METTL2B: variants seen among roughly 807,000 people sequenced by gnomAD.
METTL2B encodes the protein methyltransferase 2B, tRNA N3-cytidine, also known as tRNA N(3)-cytidine methyltransferase METTL2B.
In METTL2B, 28 loss-of-function variants were observed where a neutral mutation model predicts 51.0. The ratio of observed to expected loss-of-function variants is 0.55; its 90% CI spans 0.41 to 0.75. METTL2B has a LOEUF of 0.75. Ranked by LOEUF, METTL2B falls within the 30% of genes least tolerant of loss-of-function variation. The pLI, the probability that METTL2B is intolerant of heterozygous loss-of-function variation, is 0.00. For missense variants in METTL2B, 313 were observed against 460.7 expected (o/e 0.68, Z 2.93); for synonymous variants, 128 against 166.3 (o/e 0.77, Z 1.77).
rs1184865120 is a variant in METTL2B, at chr7:128,506,370, T to A, written c.*4454T>A. 6.6e-6 allele frequency: 1 copy of A among 152,206 alleles called. No individual in the cohort carries two copies. The highest frequency in any genetic ancestry group is 1.5e-5 in the Non-Finnish European group (1 of 68,034). The allele number at this position is 152,206 out of a possible 1,614,324, so 9.4% of individuals were successfully genotyped here. A position where few individuals can be genotyped will look rare whatever the true frequency, so the allele number is the denominator to read the frequency against. On this transcript the variant is annotated 3_prime_UTR_variant, in exon 9 of 9. Transcript: ENST00000262432. Reference sequence around the variant, plus strand: ...TCTTTCTGGCACCTGGTTTGGGCTTTGGCTTAGATTAAAAAGACGAGCCTT... The same window carrying A: ...TCTTTCTGGCACCTGGTTTGGGCTTAGGCTTAGATTAAAAAGACGAGCCTT...
rs1355952151 is a variant in METTL2B, at chr7:128,502,400, T to A, written c.*484T>A. The stretch of plus-strand genomic sequence containing the variant: ...TATGACAAGTGTTTTTTGATTGTAA[T>A]TGCGTTAAATCTTTTGAGAGTGTAA... On this transcript the variant is annotated 3_prime_UTR_variant, in exon 9 of 9. Coordinates refer to ENST00000262432, the MANE Select transcript of METTL2B (RefSeq NM_018396.3). The A allele has an allele frequency of 3.4e-6, 1 of 294,112 alleles. No homozygotes were observed. The highest frequency in any genetic ancestry group is 6.7e-6 in the Non-Finnish European group (1 of 149,586). The allele number at this position is 294,112 out of a possible 1,614,324, so 18.2% of individuals were successfully genotyped here.
At chr7:128,499,037 T>C (rs1792978576) in intron 7 of METTL2B, among the ~76,000 whole-genome samples, 2 of 152,044 alleles carry the variant, frequency 1.3e-5, no homozygotes, top group Non-Finnish European at 2.9e-5. Context: ...ATAAATAATT[T>C]TAAATGTGGC....
rs17837494 is a variant in METTL2B at position 128,498,004 on chromosome 7, C to G, written c.810-32C>G. The G allele has an allele frequency of 2.0e-3, 3,183 of 1,609,316 alleles. 56 individuals carry two copies. In the African/African-American group the frequency reaches 0.038, roughly 19 times the overall value. ...AAGAGAACCCTGTCTTTAAGGAGACCTGATTAACTATAATTCCCTGTGTCT... is the reference window on the plus strand; with the variant it reads ...AAGAGAACCCTGTCTTTAAGGAGACGTGATTAACTATAATTCCCTGTGTCT... On this transcript the variant is annotated intron_variant, in intron 6 of 8. Coordinates refer to ENST00000262432, the MANE Select transcript of METTL2B (RefSeq NM_018396.3).
intron 8 of METTL2B, chr7:128,501,422 T>G: frequency 4.1e-6 from 4 of 985,460 alleles, no homozygotes; most frequent in Non-Finnish European, 4.8e-6. Flanking sequence ...TAGGGTCACC[T>G]TCTTTGAGCC....
intron 4 of METTL2B, chr7:128,484,217 C>CTTTTTTGTTTTTTTTTTTT (rs1792641688): frequency 2.4e-5 from 1 of 42,414 alleles, no homozygotes; most frequent in Non-Finnish European, 4.3e-5. Context: ...TGCCTAGATC[C>CTTTTTTGTTTTTTTTTTTT]TTTTTTTTTT....
At chr7:128,501,658 A>C in intron 8 of METTL2B, 104 bp from the exon 9 acceptor site, 1 of 1,524,778 alleles carries the variant, frequency 6.6e-7, no homozygotes, top group South Asian at 1.3e-5. Context: ...CATGTAAAAA[A>C]CACGACAGCA....
intron 2 of METTL2B, among the ~76,000 whole-genome samples, chr7:128,477,428 TG>T (rs1256766293): frequency 1.3e-5 from 2 of 152,124 alleles, no homozygotes; most frequent in African/African-American, 4.8e-5. Context: ...TTAATTATGT[TG>T]AGTAGATCCA....
rs773019533 is a variant in METTL2B at position 128,498,089 on chromosome 7, T to C, written c.863T>C (p.Val288Ala). 1.1e-5 allele frequency: 18 copies of C among 1,613,810 alleles called. No individual in the cohort carries two copies. In the Admixed American group the frequency reaches 3.0e-4, roughly 27 times the overall value. ...LSRLLKPGGM[V>A]LLRDYGRYDM... The stretch of plus-strand genomic sequence containing the variant: ...AGGCTTCTGAAACCTGGGGGGATGG[T>C]ACTTCTGCGAGATTACGGCCGCTAT... The change falls in exon 7 of 9, where the codon GTA becomes GCA. Residue 288 changes from valine to alanine, a missense_variant. Around this residue, in one of 4 missense-constraint regions of METTL2B, gnomAD observed 138 missense variants for 187.6 expected, o/e 0.74. Transcript: ENST00000262432.
At position 128,479,250 on chromosome 7, in the gene METTL2B, G is replaced by C; in HGVS notation, c.295G>C (p.Glu99Gln). The change falls in exon 3 of 9, where the codon GAA becomes CAA. Residue 99 changes from glutamate (E) to glutamine (Q), a missense_variant. Coordinates refer to ENST00000262432, the MANE Select transcript of METTL2B (RefSeq NM_018396.3). The part of the protein sequence containing the change: ...FFKDRHWLFT[E>Q]FPELAPSQNQ... The stretch of plus-strand genomic sequence containing the variant: ...CAAGGATAGACATTGGCTTTTTACC[G>C]AATTCCCTGAGCTGGCACCTAGCCA... 1 of 1,614,164 alleles carries C rather than the reference G, an allele frequency of 6.2e-7. No homozygotes were observed. The highest frequency in any genetic ancestry group is 8.5e-7 in the Non-Finnish European group (1 of 1,180,040).
chr7:128,485,308 G>C (rs1792677997), intron 4 of METTL2B, among the ~76,000 whole-genome samples: 1 of 152,084 alleles, frequency 6.6e-6, no homozygotes. Flanking sequence ...CAAGGAGATA[G>C]GATCACCTGA....
chr7:128,500,216 G>A (rs1345028750), intron 7 of METTL2B, among the ~76,000 whole-genome samples: 1 of 152,164 alleles, frequency 6.6e-6, no homozygotes, highest in East Asian at 1.9e-4. Context: ...CAGTATCTGA[G>A]TTGTATTTAT....
In METTL2B at chr7:128,477,176, GC is replaced by G. The variant is rs1166237710; in HGVS notation, c.202+4del. 1 of 1,613,734 alleles carries G rather than the reference GC, an allele frequency of 6.2e-7. No individual in the cohort carries two copies. The highest frequency in any genetic ancestry group is 1.3e-5 in the African/African-American group (1 of 74,896). ...GCGGGTGTGCCAGGAGAAACAAGGT[GC>G]GCTTAAATGGGCTCTCGTTGGTATC... is the stretch of plus-strand genomic sequence containing the variant. On this transcript the variant is annotated splice_donor_region_variant and intron_variant, in intron 2 of 8. Transcript: ENST00000262432.
intron 8 of METTL2B, 182 bp from the exon 9 acceptor site, chr7:128,501,580 A>C (rs1179299476): frequency 2.0e-6 from 2 of 985,288 alleles, no homozygotes; most frequent in South Asian, 4.7e-5. Context: ...GCCTATACAC[A>C]GTGGCTTCCC....
At chr7:128,477,612 ATTAC>A (rs949647091) in intron 2 of METTL2B, among the ~76,000 whole-genome samples, 1 of 151,932 alleles carries the variant, frequency 6.6e-6, no homozygotes, top group Non-Finnish European at 1.5e-5. Context: ...CTGTGTGTCT[ATTAC>A]TTGTGTGATG....
intron 4 of METTL2B, chr7:128,484,217 C>CTTTTTTTTTTTGTTTTG (rs1792641921): frequency 1.4e-4 from 6 of 42,412 alleles, no homozygotes; most frequent in African/African-American, 6.0e-4. Context: ...TGCCTAGATC[C>CTTTTTTTTTTTGTTTTG]TTTTTTTTTT....
chr7:128,498,471 A>T (rs1258478289), intron 7 of METTL2B, among the ~76,000 whole-genome samples: 1 of 151,430 alleles, frequency 6.6e-6, no homozygotes. Flanking sequence ...CTGCACATGT[A>T]CCCCAGAACT....
rs568485937 is a variant in METTL2B at position 128,503,043 on chromosome 7, T to C, written c.*1127T>C. On this transcript the variant is annotated 3_prime_UTR_variant, in exon 9 of 9. Transcript: ENST00000262432. ...CAACACTTTGGGAGGCTGAGGCAGGTGGATCACGAGGTCAGGAGATCGAGA... is the reference window on the plus strand; with the variant it reads ...CAACACTTTGGGAGGCTGAGGCAGGCGGATCACGAGGTCAGGAGATCGAGA... 5.5e-4 allele frequency: 87 copies of C among 159,584 alleles called. No individual in the cohort carries two copies. The highest frequency in any genetic ancestry group is 9.2e-4 in the Non-Finnish European group (67 of 72,498). The allele number at this position is 159,584 out of a possible 1,614,324, so 9.9% of individuals were successfully genotyped here.
intron 5 of METTL2B, among the ~76,000 whole-genome samples, chr7:128,493,408 C>T (rs1175039782): frequency 6.6e-6 from 1 of 152,056 alleles, no homozygotes; most frequent in Non-Finnish European, 1.5e-5. Context: ...GATGGGGTTT[C>T]TCCATGTTGG....
chr7:128,487,281 T>A (rs959009878), intron 4 of METTL2B, among the ~76,000 whole-genome samples: 10 of 152,138 alleles, frequency 6.6e-5, no homozygotes, highest in Non-Finnish European at 1.5e-4. Context: ...CTCCCAAAAA[T>A]CCCAGCGTCT....
Sources: gnomAD v4.1 joint callset for allele counts (sites outside exome capture counted in the v4.1 genomes callset) on GRCh38, gnomAD v4.1.1 for gene constraint, gnomAD v4.1.1 regional missense constraint, MANE v1.5 for transcripts, NCBI Gene and HGNC (gene_info 2026-07-23, HGNC 2026-07-21) for gene names.